Variants in TAF2 observed in about 807,000 individuals in gnomAD.
TAF2 encodes TATA-box binding protein associated factor 2.
In TAF2, 61 loss-of-function variants were observed where a neutral mutation model predicts 138.5. That is an observed-to-expected ratio of 0.44 (90% CI 0.36 to 0.54). The LOEUF (loss-of-function observed/expected upper bound fraction) is 0.54. Ranked by LOEUF, TAF2 falls within the 20% of genes least tolerant of loss-of-function variation. TAF2 has a pLI of 0.00. For synonymous variants in TAF2, 475 were observed against 469.9 expected, an observed-to-expected ratio of 1.01 and a Z score of -0.14; for missense variants, 1,090 against 1,427.9, an observed-to-expected ratio of 0.76 and a Z score of 3.81.
intron 9 of TAF2, among the ~76,000 whole-genome samples, chr8:119,794,813 A>G (rs1823707528): frequency 6.6e-6 from 1 of 152,176 alleles, no homozygotes; most frequent in Non-Finnish European, 1.5e-5. Context: ...GTCTTCGAAA[A>G]TTAACTTTTT....
In TAF2 at chr8:119,789,611, G is replaced by A. The variant is rs1377952559; in HGVS notation, c.1549C>T (p.Pro517Ser). The A allele has an allele frequency of 6.2e-7, 1 of 1,613,534 alleles. No individual in the cohort carries two copies. The highest frequency in any genetic ancestry group is 1.3e-5 in the African/African-American group (1 of 74,952). ...ISNVSGKDIQPLIKQWVDQSG... is the reference protein window; with the variant it reads ...ISNVSGKDIQSLIKQWVDQSG... ...GGATACACCCACTGCTTTATTAACG[G>A]CTGAATATCTTTGCCAGAGACATTT... Residue 517 changes from proline to serine, a missense_variant, in exon 12 of 26, where the codon CCG becomes TCG. By Grantham distance (74) the Pro-to-Ser change is moderately conservative. Coordinates refer to ENST00000378164, the MANE Select transcript of TAF2 (RefSeq NM_003184.4).
In TAF2 at chr8:119,797,787, A is replaced by C; in HGVS notation, c.852T>G (p.Leu284=). Residue 284 remains leucine (L), a synonymous_variant, in exon 7 of 26, where the codon CTT becomes CTG. Transcript: ENST00000378164. ...CTTCATAAAATTCAAAGACTTCATG[A>C]AGGTATGATGTGGTATGTTTCAGCA... is the stretch of plus-strand genomic sequence containing the variant. ...LPLLKHTTSY[L]HEVFEFYEEI... is the part of the protein sequence containing the mutation. The C allele has an allele frequency of 1.2e-6, 2 of 1,613,656 alleles. No individual in the cohort carries two copies. Among genetic ancestry groups the C allele is most frequent in the Non-Finnish European group, 1.7e-6 (2 of 1,179,718 alleles).
chr8:119,757,616 G>A (rs1336561480), intron 21 of TAF2, among the ~76,000 whole-genome samples: 4 of 149,672 alleles, frequency 2.7e-5, no homozygotes, highest in South Asian at 2.1e-4. Flanking sequence ...AGCTGAGTGC[G>A]GTGGCTCACA....
chr8:119,811,425 C>T lies in TAF2; in HGVS notation c.300-5024G>A, dbSNP rs377415761. 1.6e-3 allele frequency among the ~76,000 whole-genome samples: 249 copies of T among 151,328 alleles called. 1 individual carries two copies. The highest frequency in any genetic ancestry group is 5.8e-3 in the African/African-American group (235 of 40,686). On this transcript the variant is annotated intron_variant, in intron 3 of 25. Transcript: ENST00000378164. The stretch of plus-strand genomic sequence containing the variant: ...TGGAAGTAAATCAGAAAGCTACACA[C>T]GCCCTAGTAAACAGCTCGATAAATT...
Position 119,783,400 on chromosome 8 carries a change from G to A in TAF2, c.2093C>T (p.Ala698Val), listed in dbSNP as rs1016554125. 1 of 1,613,962 alleles carries A rather than the reference G, an allele frequency of 6.2e-7. No individual in the cohort carries two copies. The highest frequency in any genetic ancestry group is 1.3e-5 in the African/African-American group (1 of 74,928). Reference sequence around the variant, plus strand: ...TCTCACCTTTGCAAGACAGAAGCAAGCTGACATTCTTACTCTGTAGAAACA... The same window carrying A: ...TCTCACCTTTGCAAGACAGAAGCAAACTGACATTCTTACTCTGTAGAAACA... ...EQCFYRVRMS[A>V]CFCLAKIANS... The change falls in exon 16 of 26, where the codon GCT becomes GTT. Residue 698 changes from alanine to valine, a missense_variant. Transcript: ENST00000378164.
At chr8:119,760,392 A>AGATACCTAT (rs1820980677) in intron 20 of TAF2, 1 of 553,882 alleles carries the variant, frequency 1.8e-6, no homozygotes, top group African/African-American at 1.9e-5. Context: ...GAAAGGCTAA[A>AGATACCTAT]GATACCTATA....
chr8:119,763,877 G>A (rs925043609), intron 18 of TAF2, among the ~76,000 whole-genome samples: 3 of 151,306 alleles, frequency 2.0e-5, no homozygotes, highest in African/African-American at 4.9e-5. Flanking sequence ...TAGGCTGGGC[G>A]TGGTGGCTCA....
At chr8:119,775,478 G>T (rs898952287) in intron 18 of TAF2, among the ~76,000 whole-genome samples, 1 of 151,826 alleles carries the variant, frequency 6.6e-6, no homozygotes, top group Non-Finnish European at 1.5e-5. Context: ...CGAGGCAGGC[G>T]AATCACTTGA....
chr8:119,757,438 A>C (rs1820773866), intron 21 of TAF2, among the ~76,000 whole-genome samples: 1 of 152,134 alleles, frequency 6.6e-6, no homozygotes, highest in Admixed American at 6.5e-5. Flanking sequence ...TTATAGGTAA[A>C]TAACATATTT....
At chr8:119,746,473 A>G (rs112362652) in intron 23 of TAF2, among the ~76,000 whole-genome samples, 1 of 152,052 alleles carries the variant, frequency 6.6e-6, no homozygotes, top group South Asian at 2.1e-4. Context: ...CTAGGTTATC[A>G]CAATACGAGT....
chr8:119,735,167 G>T (rs1819144273), intron 25 of TAF2, among the ~76,000 whole-genome samples: 1 of 152,164 alleles, frequency 6.6e-6, no homozygotes, highest in Non-Finnish European at 1.5e-5. Context: ...AAGATGGACT[G>T]CTGTATTTCT....
At chr8:119,766,224 A>G (rs945021213) in intron 18 of TAF2, among the ~76,000 whole-genome samples, 12 of 152,152 alleles carry the variant, frequency 7.9e-5, no homozygotes, top group Non-Finnish European at 1.5e-4. Context: ...GTGGTTCTCA[A>G]CACAATTCTG....
chr8:119,761,202 A>G (rs1209781001), intron 19 of TAF2, among the ~76,000 whole-genome samples: 1 of 152,140 alleles, frequency 6.6e-6, no homozygotes, highest in African/African-American at 2.4e-5. Flanking sequence ...ATATGTTTGG[A>G]TATGTTTAAA....
At chr8:119,809,894 G>C (rs1382113538) in intron 3 of TAF2, among the ~76,000 whole-genome samples, 1 of 148,408 alleles carries the variant, frequency 6.7e-6, no homozygotes, top group Non-Finnish European at 1.5e-5. Context: ...AATATTGCAA[G>C]AATTACAAAA....
chr8:119,749,734 G>C (rs1427733189), intron 22 of TAF2, among the ~76,000 whole-genome samples: 2 of 151,932 alleles, frequency 1.3e-5, no homozygotes, highest in Non-Finnish European at 2.9e-5. Context: ...ATTGGAGAGA[G>C]GCCCTGAACA....
chr8:119,778,814 C>T (rs1466583294), intron 17 of TAF2, among the ~76,000 whole-genome samples: 3 of 152,186 alleles, frequency 2.0e-5, no homozygotes, highest in Non-Finnish European at 4.4e-5. Context: ...CTTACACACA[C>T]TGGTTAACTC....
At position 119,789,507 on chromosome 8, in the gene TAF2, C is replaced by T. The variant is rs548499388; in HGVS notation, c.1568+85G>A. ...ACAGTTCATACTTCCTTGAGTCCCC[C>T]TCAAACCTCTCTTCTTCCATCTTCC... On this transcript the variant is annotated intron_variant, in intron 12 of 25. Coordinates refer to ENST00000378164, the MANE Select transcript of TAF2 (RefSeq NM_003184.4). 2.6e-6 allele frequency: 4 copies of T among 1,527,752 alleles called. No individual in the cohort carries two copies. The Admixed American group carries it at 5.0e-5, about 19-fold the overall frequency. 94.6% of individuals were successfully genotyped at this position (1,527,752 alleles called of 1,614,324 possible).
intron 9 of TAF2, among the ~76,000 whole-genome samples, chr8:119,794,358 T>C (rs1823668202): frequency 6.7e-6 from 1 of 149,606 alleles, no homozygotes; most frequent in African/African-American, 2.5e-5. Context: ...ATTGCGCCAC[T>C]GCACTACAGC....
Position 119,762,504 on chromosome 8 carries a change from AT to A in TAF2, c.2468del (p.Asn823IlefsTer15). On this transcript the variant is annotated frameshift_variant, in exon 19 of 26. Coordinates refer to ENST00000378164, the MANE Select transcript of TAF2 (RefSeq NM_003184.4). LOFTEE classifies it high-confidence loss of function. ...CTTCAAGAATGAGTCGCACATCAGG[AT>A]TTAAGTTATCCAAAGTTCTAACTTC... ...NNEVRTLDNLNPDVRLILEEI... is the reference protein window; with the variant it reads ...NNEVRTLDNLXPDVRLILEEI... 6.2e-7 allele frequency: 1 copy of A among 1,614,020 alleles called. No individual in the cohort carries two copies. The highest frequency in any genetic ancestry group is 1.1e-5 in the South Asian group (1 of 91,074).
Sources: allele counts gnomAD v4.1 joint callset (sites outside exome capture counted in the v4.1 genomes callset), GRCh38; gene constraint gnomAD v4.1.1; transcripts MANE v1.5; gene names NCBI Gene and HGNC (gene_info 2026-07-23, HGNC 2026-07-21).